The following KIF26B variants were observed in gnomAD, a reference collection of about 807,000 sequenced individuals.
The protein encoded by KIF26B is kinesin family member 26B.
A neutral mutation model predicts 151.2 loss-of-function variants in KIF26B; 63 were observed. The observed-to-expected ratio is 0.42, with a 90% CI of 0.34 to 0.51. The LOEUF (loss-of-function observed/expected upper bound fraction) is 0.51. Ranked by LOEUF, KIF26B falls within the 20% of genes least tolerant of loss-of-function variation. The pLI is 0.07. For missense variants in KIF26B, 2,813 were observed against 2,913.6 expected (o/e 0.97, Z 0.79); for synonymous variants, 1,357 against 1,262.1 (o/e 1.08, Z -1.59).
chr1:245,695,054 C>T (rs1250706920), intron 12 of KIF26B, among the ~76,000 whole-genome samples: 1 of 152,176 alleles, frequency 6.6e-6, no homozygotes, highest in Non-Finnish European at 1.5e-5. Context: ...TTTCTTAGAG[C>T]TGATGGTCCC....
chr1:245,164,744 T>C (rs1048474712), intron 2 of KIF26B, among the ~76,000 whole-genome samples: 2 of 152,154 alleles, frequency 1.3e-5, no homozygotes, highest in Admixed American at 1.3e-4. Context: ...TGGAGGGCAC[T>C]CATGAAGGGA....
chr1:245,325,781 A>C (rs80249972), intron 2 of KIF26B, among the ~76,000 whole-genome samples: 4,147 of 152,240 alleles, frequency 0.027, 99 homozygotes, highest in Admixed American at 0.048. Flanking sequence ...ACGTCAATTC[A>C]ATCCAATGAA....
chr1:245,406,977 A>G (rs923570665), intron 3 of KIF26B, among the ~76,000 whole-genome samples: 3 of 151,912 alleles, frequency 2.0e-5, no homozygotes, highest in Non-Finnish European at 2.9e-5. Context: ...TAGTAGAGAC[A>G]AGGTTTTACC....
intron 2 of KIF26B, among the ~76,000 whole-genome samples, chr1:245,208,464 G>A (rs1462741101): frequency 6.6e-6 from 1 of 152,180 alleles, no homozygotes; most frequent in East Asian, 1.9e-4. Context: ...GTGGGATTGA[G>A]TTAGCCTCAT....
chr1:245,165,517 G>A (rs1213922808), intron 2 of KIF26B, among the ~76,000 whole-genome samples: 2 of 152,216 alleles, frequency 1.3e-5, no homozygotes, highest in Non-Finnish European at 2.9e-5. Flanking sequence ...GTGGAGATAT[G>A]GATCTGGGGG....
chr1:245,322,573 A>G (rs185697256), intron 2 of KIF26B, among the ~76,000 whole-genome samples: 1 of 152,320 alleles, frequency 6.6e-6, no homozygotes, highest in African/African-American at 2.4e-5. Context: ...TAAAGTCAGC[A>G]TGATAATGGA....
intron 2 of KIF26B, among the ~76,000 whole-genome samples, chr1:245,216,482 A>C (rs1184301124): frequency 6.6e-6 from 1 of 152,004 alleles, no homozygotes; most frequent in Non-Finnish European, 1.5e-5. Context: ...CAAACTATTA[A>C]AAATAAAACT....
rs1669916690 is a variant in KIF26B, at chr1:245,228,193, C to T, written c.465+71510C>T. ...TCCCTTGCTCTCCCTATTGTTCCAG[C>T]ACCTCCTGAGGGGGCCCTCTTTCAG... On this transcript the variant is annotated intron_variant, in intron 2 of 14. Coordinates refer to ENST00000407071, the MANE Select transcript of KIF26B (RefSeq NM_018012.4). Among the ~76,000 whole-genome samples the T allele has an allele frequency of 3.3e-5, 5 of 152,212 alleles. No homozygotes were observed. In the South Asian group the frequency reaches 1.0e-3, roughly 32 times the overall value.
chr1:245,645,234 G>T (rs556581062), intron 9 of KIF26B, among the ~76,000 whole-genome samples: 7 of 152,220 alleles, frequency 4.6e-5, no homozygotes, highest in African/African-American at 1.7e-4. Context: ...GGAGGTGTTT[G>T]GGTCATGGGG....
chr1:245,264,594 A>G (rs1017518030), intron 2 of KIF26B, among the ~76,000 whole-genome samples: 1 of 150,984 alleles, frequency 6.6e-6, no homozygotes, highest in Non-Finnish European at 1.5e-5. Context: ...AAAACAAAAC[A>G]AAAAAAAACA....
chr1:245,653,455 C>T lies in KIF26B; in HGVS notation c.2258+7175C>T, dbSNP rs534162737. The stretch of plus-strand genomic sequence containing the variant: ...TCCCATCGTGAGCACCACAGCCGGG[C>T]GTTGTTCTCACTGTGCCTCACAAGC... On this transcript the variant is annotated intron_variant, in intron 10 of 14. Transcript: ENST00000407071. Among the ~76,000 whole-genome samples, 11 of 152,210 alleles carry T rather than the reference C, an allele frequency of 7.2e-5. No individual in the cohort carries two copies. The South Asian group carries it at 2.1e-3, about 29-fold the overall frequency.
Position 245,407,533 on chromosome 1 carries a change from A to G in KIF26B, c.1000-12046A>G, listed in dbSNP as rs117478645. On this transcript the variant is annotated intron_variant, in intron 3 of 14. Coordinates refer to ENST00000407071, the MANE Select transcript of KIF26B (RefSeq NM_018012.4). ...TGCCCTTTCTTCCCCGAATCCAGCAATTTGTCTTACTACCACTATATTGAA... is the reference window on the plus strand; with the variant it reads ...TGCCCTTTCTTCCCCGAATCCAGCAGTTTGTCTTACTACCACTATATTGAA... Among the ~76,000 whole-genome samples, 483 of 151,674 alleles carry G rather than the reference A, an allele frequency of 3.2e-3. 17 individuals are homozygous for G. The East Asian group carries it at 0.08, about 25-fold the overall frequency.
At chr1:245,626,399 T>TG (rs1456300336) in intron 9 of KIF26B, among the ~76,000 whole-genome samples, 1 of 77,682 alleles carries the variant, frequency 1.3e-5, no homozygotes, top group Non-Finnish European at 2.7e-5. Flanking sequence ...GATTTCATGG[T>TG]GGGTTTTTTT....
chr1:245,592,078 C>T (rs145945895), intron 5 of KIF26B, among the ~76,000 whole-genome samples: 7 of 152,346 alleles, frequency 4.6e-5, no homozygotes, highest in Admixed American at 1.3e-4. Flanking sequence ...CATCTCATTA[C>T]CGGGCTCCAT....
intron 2 of KIF26B, among the ~76,000 whole-genome samples, chr1:245,213,120 C>A (rs753895579): frequency 1.3e-5 from 2 of 152,140 alleles, no homozygotes; most frequent in Non-Finnish European, 2.9e-5. Context: ...GATTTCCTTT[C>A]GGTTCAGAAC....
At chr1:245,635,101 T>G (rs1437458415) in intron 9 of KIF26B, among the ~76,000 whole-genome samples, 1 of 151,084 alleles carries the variant, frequency 6.6e-6, no homozygotes, top group Non-Finnish European at 1.5e-5. Context: ...TTTTTGTGTT[T>G]TTTTTTTTTT....
intron 3 of KIF26B, among the ~76,000 whole-genome samples, chr1:245,409,846 C>T (rs927904437): frequency 6.6e-6 from 1 of 152,172 alleles, no homozygotes; most frequent in African/African-American, 2.4e-5. Context: ...CAAGCTTCAG[C>T]TTGGGCAGTA....
At chr1:245,232,961 C>T (rs1443765345) in intron 2 of KIF26B, among the ~76,000 whole-genome samples, 3 of 152,178 alleles carry the variant, frequency 2.0e-5, no homozygotes, top group African/African-American at 4.8e-5. Context: ...ACGTAGCACA[C>T]GAGGCAGCCA....
intron 4 of KIF26B, among the ~76,000 whole-genome samples, chr1:245,520,870 C>G (rs1417454305): frequency 6.6e-6 from 1 of 152,166 alleles, no homozygotes; most frequent in African/African-American, 2.4e-5. Context: ...TCCCTGTGGT[C>G]TGAATGTTTG....
Sources: gnomAD v4.1 joint callset for allele counts (sites outside exome capture counted in the v4.1 genomes callset) on GRCh38, gnomAD v4.1.1 for gene constraint, MANE v1.5 for transcripts, NCBI Gene and HGNC (gene_info 2026-07-23, HGNC 2026-07-21) for gene names.